The following FOXP1 variants were observed in gnomAD, a reference collection of about 807,000 sequenced individuals.
The protein encoded by FOXP1 is forkhead box protein P1.
Under a neutral mutation model 98.2 loss-of-function variants are expected in FOXP1, and 15 were observed. The observed-to-expected ratio is 0.15, with a 90% CI of 0.10 to 0.24. The LOEUF is 0.24. Among genes scored for constraint, FOXP1 ranks in the 10% least tolerant of loss-of-function variants. The pLI, the probability that FOXP1 is intolerant of heterozygous loss-of-function variation, is 1.00. For missense variants in FOXP1, 633 were observed against 848.5 expected, an observed-to-expected ratio of 0.75 and a Z score of 3.15; for synonymous variants, 371 against 314.5, an observed-to-expected ratio of 1.18 and a Z score of -1.90.
At chr3:71,088,959 C>T (rs950222268) in intron 7 of FOXP1, among the ~76,000 whole-genome samples, 1 of 152,182 alleles carries the variant, frequency 6.6e-6, no homozygotes, top group African/African-American at 2.4e-5. Flanking sequence ...CAAGAGTACA[C>T]CAGTGCTCAG....
intron 3 of FOXP1, among the ~76,000 whole-genome samples, chr3:71,387,369 T>G (rs1040179540): frequency 2.6e-5 from 4 of 152,234 alleles, no homozygotes; most frequent in African/African-American, 7.2e-5. Context: ...CCACCATTAG[T>G]TAGTAAATAT....
At chr3:71,257,250 T>C (rs2107136486) in intron 5 of FOXP1, among the ~76,000 whole-genome samples, 1 of 152,246 alleles carries the variant, frequency 6.6e-6, no homozygotes, top group East Asian at 1.9e-4. Flanking sequence ...TTCTTACTAG[T>C]TCTTTGCAAC....
intron 3 of FOXP1, among the ~76,000 whole-genome samples, chr3:71,368,352 C>A (rs2079063694): frequency 6.6e-6 from 1 of 152,110 alleles, no homozygotes; most frequent in South Asian, 2.1e-4. Flanking sequence ...TCTCGAACTT[C>A]CTGACCTCAA....
intron 4 of FOXP1, among the ~76,000 whole-genome samples, chr3:71,323,475 A>C (rs986867285): frequency 1.3e-5 from 2 of 152,176 alleles, no homozygotes; most frequent in Admixed American, 1.3e-4. Flanking sequence ...GAATATGAGC[A>C]ATAAGAGAAG....
chr3:71,055,898 G>C (rs773832852), intron 7 of FOXP1, among the ~76,000 whole-genome samples: 7 of 152,148 alleles, frequency 4.6e-5, no homozygotes, highest in Non-Finnish European at 8.8e-5. Context: ...TGATGAACAG[G>C]AAAACAGACA....
chr3:71,434,117 G>C (rs2084981908), intron 3 of FOXP1, among the ~76,000 whole-genome samples: 1 of 152,188 alleles, frequency 6.6e-6, no homozygotes, highest in African/African-American at 2.4e-5. Context: ...GATGGGAAGA[G>C]ATCAAGATTC....
At chr3:71,220,359 G>C (rs2065265063) in intron 5 of FOXP1, among the ~76,000 whole-genome samples, 1 of 152,156 alleles carries the variant, frequency 6.6e-6, no homozygotes, top group Non-Finnish European at 1.5e-5. Flanking sequence ...GGCCAAGTGA[G>C]GGAACAGGCC....
At chr3:71,244,731 C>A (rs1314771857) in intron 5 of FOXP1, 3 of 151,608 alleles carry the variant, frequency 2.0e-5, no homozygotes, top group Non-Finnish European at 2.9e-5. Flanking sequence ...ATTAAAAGCA[C>A]TGCACCTCTC....
At chr3:71,537,220 TCAAGGCAGAGCCCAGCAGCCAG>T (rs755883933) in intron 2 of FOXP1, among the ~76,000 whole-genome samples, 1 of 152,166 alleles carries the variant, frequency 6.6e-6, no homozygotes. Flanking sequence ...AGACAGATGA[TCAAGGCAGAGCCCAGCAGCCAG>T]CAAGGCGAAC....
chr3:70,956,396 T>C lies in FOXP1; in HGVS notation c.*2851A>G, dbSNP rs2031785714. On this transcript the variant is annotated 3_prime_UTR_variant, in exon 21 of 21. Transcript: ENST00000649528. ...TGCAAGGCTGTGATACCTGCAAAGATATGTAAAATCTAATTTTTCTTTTTT... is the reference window on the plus strand; with the variant it reads ...TGCAAGGCTGTGATACCTGCAAAGACATGTAAAATCTAATTTTTCTTTTTT... 4.3e-6 allele frequency: 1 copy of C among 231,110 alleles called. No individual in the cohort carries two copies. Among genetic ancestry groups the C allele is most frequent in the Non-Finnish European group, 8.6e-6 (1 of 116,898 alleles). The allele number at this position is 231,110 out of a possible 1,614,324, so 14.3% of individuals were successfully genotyped here. A position where few individuals can be genotyped will look rare whatever the true frequency, so the allele number is the denominator to read the frequency against.
At chr3:71,378,838 GC>G (rs1221982884) in intron 3 of FOXP1, among the ~76,000 whole-genome samples, 1 of 151,940 alleles carries the variant, frequency 6.6e-6, no homozygotes, top group Non-Finnish European at 1.5e-5. Context: ...AAAAAACATA[GC>G]CCCTATAGGG....
chr3:71,007,276 C>T (rs1048260141), intron 12 of FOXP1, among the ~76,000 whole-genome samples: 9 of 152,054 alleles, frequency 5.9e-5, no homozygotes, highest in African/African-American at 2.2e-4. Flanking sequence ...CTCATCTTCT[C>T]GAGATTTAAA....
At chr3:71,211,742 A>G (rs758041242) in intron 5 of FOXP1, among the ~76,000 whole-genome samples, 1 of 152,234 alleles carries the variant, frequency 6.6e-6, no homozygotes, top group Non-Finnish European at 1.5e-5. Flanking sequence ...ACAAATTCTG[A>G]GAATCTCAGA....
intron 7 of FOXP1, among the ~76,000 whole-genome samples, chr3:71,084,969 A>C (rs535618002): frequency 1.3e-5 from 2 of 151,806 alleles, no homozygotes; most frequent in African/African-American, 4.8e-5. Flanking sequence ...ATAAACAAAC[A>C]AATCAATCAA....
intron 3 of FOXP1, among the ~76,000 whole-genome samples, chr3:71,471,852 T>A (rs1237944902): frequency 6.6e-6 from 1 of 152,146 alleles, no homozygotes; most frequent in Admixed American, 6.5e-5. Context: ...TTCTGATGAT[T>A]CAAAGTGGTT....
At chr3:71,119,007 T>A (rs1203116745) in intron 6 of FOXP1, among the ~76,000 whole-genome samples, 1 of 152,140 alleles carries the variant, frequency 6.6e-6, no homozygotes, top group African/African-American at 2.4e-5. Flanking sequence ...TAGTCTGAGA[T>A]CCCCAAAGAT....
chr3:71,228,113 C>G (rs2065985804), intron 5 of FOXP1, among the ~76,000 whole-genome samples: 1 of 152,058 alleles, frequency 6.6e-6, no homozygotes, highest in South Asian at 2.1e-4. Flanking sequence ...CTAGGAATGA[C>G]CAGCAGTTAC....
chr3:70,994,878 G>T (rs1028755774), intron 13 of FOXP1, among the ~76,000 whole-genome samples: 2 of 152,130 alleles, frequency 1.3e-5, no homozygotes, highest in African/African-American at 4.8e-5. Context: ...AAAACATCAG[G>T]ACATCTTCAT....
At chr3:70,972,752 T>C (rs2036538866) in intron 17 of FOXP1, 76 bp from the exon 18 acceptor site, 1 of 1,467,378 alleles carries the variant, frequency 6.8e-7, no homozygotes, top group Non-Finnish European at 9.4e-7. Flanking sequence ...AAATTCAGCC[T>C]AACAGTCCAC....
Sources: allele counts gnomAD v4.1 joint callset (sites outside exome capture counted in the v4.1 genomes callset), GRCh38; gene constraint gnomAD v4.1.1; transcripts MANE v1.5; gene names NCBI Gene and HGNC (gene_info 2026-07-23, HGNC 2026-07-21).